The following ITGA11 variants were observed in gnomAD, a reference collection of about 807,000 sequenced individuals.
The protein encoded by ITGA11 is integrin alpha-11.
Under a neutral mutation model 141.9 loss-of-function variants are expected in ITGA11, and 97 were observed. The ratio of observed to expected loss-of-function variants is 0.68; its 90% CI spans 0.58 to 0.81. The LOEUF (loss-of-function observed/expected upper bound fraction) is 0.81. ITGA11 is among the 30% of genes least tolerant of loss of function. ITGA11 has a pLI of 0.00. For synonymous variants in ITGA11, 658 were observed against 624.6 expected (o/e 1.05, Z -0.80); for missense variants, 1,387 against 1,559.2 (o/e 0.89, Z 1.86).
chr15:68,320,709 G>A (rs1041718025), intron 19 of ITGA11, among the ~76,000 whole-genome samples: 5 of 152,186 alleles, frequency 3.3e-5, no homozygotes, highest in African/African-American at 1.2e-4. Flanking sequence ...GGCCTTGGCT[G>A]CTAGGAAGCT....
intron 11 of ITGA11, among the ~76,000 whole-genome samples, chr15:68,337,827 C>A (rs1369997568): frequency 1.3e-5 from 2 of 152,214 alleles, no homozygotes; most frequent in Non-Finnish European, 2.9e-5. Flanking sequence ...CACTTCTGCC[C>A]CCTGCTCCAG....
Position 68,303,772 on chromosome 15 carries a change from C to T in ITGA11, c.3495G>A (p.Lys1165=). The T allele has an allele frequency of 6.2e-7, 1 of 1,605,036 alleles. No homozygotes were observed. The highest frequency in any genetic ancestry group is 1.1e-5 in the South Asian group (1 of 90,548). ...TTCCCTCCCCTGCCAGGGCCCTCACCTTCCACAGTGCCAGGACCAGCAGGG... is the reference window on the plus strand; with the variant it reads ...TTCCCTCCCCTGCCAGGGCCCTCACTTTCCACAGTGCCAGGACCAGCAGGG... ...LLALLVLALW[K]LGFFRSARRR... The change falls in exon 29 of 30, where the codon AAG becomes AAA. Residue 1165 remains lysine, a splice_region_variant and synonymous_variant. Coordinates refer to ENST00000315757, the MANE Select transcript of ITGA11 (RefSeq NM_001004439.2). This position sits in a 1 kb window ranked among gnomAD's most constrained non-coding sequence, Gnocchi z 5.3.
At chr15:68,361,534 A>G (rs1895243063) in intron 5 of ITGA11, 56 bp downstream of exon 5, 35 of 1,186,010 alleles carry the variant, frequency 3.0e-5, no homozygotes, top group Non-Finnish European at 3.9e-5. Context: ...TCAGGGCCCA[A>G]GTCTCTCTGG....
At chr15:68,429,498 C>T (rs1011493591) in intron 1 of ITGA11, among the ~76,000 whole-genome samples, 5 of 152,152 alleles carry the variant, frequency 3.3e-5, no homozygotes, top group African/African-American at 7.2e-5. Flanking sequence ...TTTGTCTACC[C>T]CATCACGCTG....
At chr15:68,348,943 C>A in intron 9 of ITGA11, 43 bp from the exon 10 acceptor site, 1 of 1,528,906 alleles carries the variant, frequency 6.5e-7, no homozygotes, top group South Asian at 1.2e-5. Flanking sequence ...ATGCCCAATC[C>A]CTTAGCGCCA....
intron 7 of ITGA11, among the ~76,000 whole-genome samples, chr15:68,355,158 G>A (rs970944643): frequency 2.0e-5 from 3 of 152,124 alleles, no homozygotes; most frequent in African/African-American, 7.2e-5. Context: ...GGTGGTTATG[G>A]GCTGCCTCCC....
In ITGA11 at chr15:68,331,022, G is replaced by A. The variant is rs777297389; in HGVS notation, c.1860C>T (p.Ile620=). Residue 620 remains isoleucine, a synonymous_variant, in exon 15 of 30, where the codon ATC becomes ATT. Coordinates refer to ENST00000315757, the MANE Select transcript of ITGA11 (RefSeq NM_001004439.2). ...TGCCAAGGGCTCCCACTGCCAGGTC[G>A]ATGAGCCCATCCTCATTGAGGTCCA... The part of the protein sequence containing the change: ...GQLDLNEDGL[I]DLAVGALGNA... The A allele has an allele frequency of 4.3e-6, 7 of 1,613,446 alleles. No homozygotes were observed. Among genetic ancestry groups the A allele is most frequent in the African/African-American group, 1.3e-5 (1 of 74,874 alleles).
At chr15:68,426,453 T>C (rs1897145295) in intron 1 of ITGA11, among the ~76,000 whole-genome samples, 2 of 152,046 alleles carry the variant, frequency 1.3e-5, no homozygotes, top group African/African-American at 4.8e-5. Context: ...TGGTGGGCCC[T>C]GAGCTGGGTG....
intron 10 of ITGA11, among the ~76,000 whole-genome samples, chr15:68,342,473 C>T (rs181949910): frequency 6.3e-4 from 96 of 152,350 alleles, no homozygotes; most frequent in Middle Eastern, 3.4e-3. Flanking sequence ...TCCCAAAGGA[C>T]GTTGTAGCCC....
chr15:68,383,047 G>A lies in ITGA11; in HGVS notation c.165-13763C>T, dbSNP rs564305521. Among the ~76,000 whole-genome samples, 5 of 152,226 alleles carry A rather than the reference G, an allele frequency of 3.3e-5. No homozygotes were observed. The East Asian group carries it at 5.8e-4, about 18-fold the overall frequency. ...AGCACTTTTGGAGGCCGAGGCAGGCGGATCACAAGGTCAGGAGATTGAGAC... is the reference window on the plus strand; with the variant it reads ...AGCACTTTTGGAGGCCGAGGCAGGCAGATCACAAGGTCAGGAGATTGAGAC... On this transcript the variant is annotated intron_variant, in intron 2 of 29. Transcript: ENST00000315757.
intron 3 of ITGA11, 94 bp downstream of exon 3, chr15:68,369,090 G>A (rs541696133): frequency 6.2e-4 from 526 of 847,758 alleles, no homozygotes; most frequent in Non-Finnish European, 8.6e-4. Context: ...GCAGGAAGGA[G>A]TCAGTGTGAC....
intron 26 of ITGA11, among the ~76,000 whole-genome samples, chr15:68,310,441 T>C (rs1223727570): frequency 6.6e-6 from 1 of 151,984 alleles, no homozygotes; most frequent in East Asian, 1.9e-4. Context: ...GGAAGAACAG[T>C]GGAAGCAGGG....
chr15:68,354,101 C>T (rs1195429652), intron 7 of ITGA11, among the ~76,000 whole-genome samples: 3 of 152,178 alleles, frequency 2.0e-5, no homozygotes, highest in African/African-American at 4.8e-5. Context: ...CTGCCCTCTG[C>T]ACCTGCTCCA....
At chr15:68,392,604 T>G (rs1019997145) in intron 2 of ITGA11, among the ~76,000 whole-genome samples, 14 of 152,178 alleles carry the variant, frequency 9.2e-5, no homozygotes, top group African/African-American at 3.4e-4. Flanking sequence ...CTAAGCTGTG[T>G]ATGCATAGTA....
At chr15:68,393,957 T>C (rs1011219703) in intron 2 of ITGA11, among the ~76,000 whole-genome samples, 1 of 152,190 alleles carries the variant, frequency 6.6e-6, no homozygotes, top group African/African-American at 2.4e-5. Context: ...CGTAAAGTTA[T>C]TGTGTTACTT....
intron 21 of ITGA11, 65 bp downstream of exon 21, chr15:68,317,199 TC>T: frequency 8.7e-7 from 1 of 1,150,716 alleles, no homozygotes. Flanking sequence ...CTTGCCGCCC[TC>T]CCCAAACTAC....
chr15:68,358,343 C>T (rs1316431217), intron 6 of ITGA11, 115 bp downstream of exon 6: 2 of 1,194,892 alleles, frequency 1.7e-6, no homozygotes, highest in Non-Finnish European at 2.3e-6. Context: ...CTACCTCTGC[C>T]CTCTTACCTA....
At chr15:68,416,383 CCGGAGACA>C (rs1291861651) in intron 1 of ITGA11, among the ~76,000 whole-genome samples, 3 of 152,154 alleles carry the variant, frequency 2.0e-5, no homozygotes, top group African/African-American at 7.2e-5. Flanking sequence ...ACAGAAGCAT[CCGGAGACA>C]GGGAGACAGA....
intron 23 of ITGA11, among the ~76,000 whole-genome samples, chr15:68,313,305 T>C (rs1177671333): frequency 9.6e-6 from 1 of 103,936 alleles, no homozygotes; most frequent in African/African-American, 3.7e-5. Context: ...TCCATCAGAT[T>C]GGGGGCCAGT....
Sources: allele counts gnomAD v4.1 joint callset (sites outside exome capture counted in the v4.1 genomes callset), GRCh38; gene constraint gnomAD v4.1.1; non-coding constraint Gnocchi (gnomAD v3.1); transcripts MANE v1.5; gene names NCBI Gene and HGNC (gene_info 2026-07-23, HGNC 2026-07-21).